The following PRMT8 variants were observed in gnomAD, a reference collection of about 807,000 sequenced individuals.
The protein encoded by PRMT8 is protein arginine methyltransferase 8.
PRMT8 carries 7 observed loss-of-function variants against 47.1 expected under a neutral mutation model. That is an observed-to-expected ratio of 0.15 (90% CI 0.08 to 0.28). The LOEUF (loss-of-function observed/expected upper bound fraction) is 0.28, where lower values mean the gene tolerates loss of function less well. PRMT8 is among the 10% of genes least tolerant of loss of function. The pLI is 1.00. For synonymous variants in PRMT8, 188 were observed against 186.5 expected (o/e 1.01, Z -0.07); for missense variants, 237 against 505.4 (o/e 0.47, Z 5.09).
intron 1 of PRMT8, among the ~76,000 whole-genome samples, chr12:3,400,233 G>GA (rs1174251166): frequency 6.6e-6 from 1 of 151,650 alleles, no homozygotes; most frequent in African/African-American, 2.4e-5. Context: ...CTCTTGTTTT[G>GA]AAAAAAATTA....
Position 3,593,154 on chromosome 12 carries a change from C to G in PRMT8, c.1157C>G (p.Ser386Cys). 6.2e-7 allele frequency: 1 copy of G among 1,614,114 alleles called. No homozygotes were observed. Among genetic ancestry groups the G allele is most frequent in the Non-Finnish European group, 8.5e-7 (1 of 1,179,996 alleles). Residue 386 changes from serine (S) to cysteine (C), a missense_variant, in exon 10 of 10, where the codon TCT becomes TGT. Transcript: ENST00000382622. The surrounding 1 kb of genome is among the most constrained non-coding windows in gnomAD (Gnocchi z 4.8). The stretch of plus-strand genomic sequence containing the variant: ...TTTAAGGGACAGCTGTGTGAAACAT[C>G]TGTATCTAATGACTACAAAATGCGT... Reference protein sequence around the residue: ...LDFKGQLCETSVSNDYKMR With the variant: ...LDFKGQLCETCVSNDYKMR
intron 4 of PRMT8, among the ~76,000 whole-genome samples, chr12:3,560,094 T>G (rs1448422985): frequency 6.6e-6 from 1 of 152,164 alleles, no homozygotes; most frequent in African/African-American, 2.4e-5. Context: ...CTCCCAGGGT[T>G]TGCAACAGGT....
intron 1 of PRMT8, among the ~76,000 whole-genome samples, chr12:3,482,627 C>T (rs1591563846): frequency 6.6e-6 from 1 of 152,324 alleles, no homozygotes; most frequent in East Asian, 1.9e-4. Context: ...AGTGGAGTTG[C>T]CCTGTCAAGA....
intron 1 of PRMT8, among the ~76,000 whole-genome samples, chr12:3,517,201 C>T (rs571215570): frequency 5.9e-5 from 9 of 152,288 alleles, no homozygotes; most frequent in East Asian, 1.9e-4. Context: ...ATCAGACACC[C>T]GATCTTGTAA....
intron 1 of PRMT8, among the ~76,000 whole-genome samples, chr12:3,534,918 T>C (rs544295199): frequency 6.6e-6 from 1 of 152,372 alleles, no homozygotes; most frequent in Admixed American, 6.5e-5. Flanking sequence ...GACTGGACTT[T>C]GTGAGCTTTA....
At chr12:3,479,207 TG>T (rs1865248793) in intron 1 of PRMT8, among the ~76,000 whole-genome samples, 1 of 152,248 alleles carries the variant, frequency 6.6e-6, no homozygotes, top group African/African-American at 2.4e-5. Flanking sequence ...GAAAACCAAG[TG>T]GGACTAATGT....
chr12:3,553,828 T>C, intron 4 of PRMT8, 114 bp downstream of exon 4: 1 of 980,000 alleles, frequency 1.0e-6, no homozygotes, highest in South Asian at 1.4e-5. Context: ...GGGGAGGTGG[T>C]GCACCCAGCT....
intron 1 of PRMT8, among the ~76,000 whole-genome samples, chr12:3,505,056 C>A (rs530039547): frequency 7.2e-6 from 1 of 139,030 alleles, no homozygotes; most frequent in Non-Finnish European, 1.6e-5. Context: ...CGCCCTGCTT[C>A]GGCTCGCGCA....
intron 8 of PRMT8, among the ~76,000 whole-genome samples, chr12:3,589,618 T>A (rs542082729): frequency 6.6e-6 from 1 of 152,216 alleles, no homozygotes; most frequent in African/African-American, 2.4e-5. Context: ...GGCACTTTGA[T>A]GGAGAATCAG....
At chr12:3,397,953 G>A (rs1393805071) in intron 1 of PRMT8, among the ~76,000 whole-genome samples, 3 of 152,186 alleles carry the variant, frequency 2.0e-5, no homozygotes, top group African/African-American at 7.2e-5. Flanking sequence ...CGCAGTATTC[G>A]GGTGGGAGTG....
intron 1 of PRMT8, among the ~76,000 whole-genome samples, chr12:3,443,751 C>G (rs1012141986): frequency 6.6e-6 from 1 of 152,236 alleles, no homozygotes; most frequent in Admixed American, 6.5e-5. Context: ...TGAGACCCCT[C>G]TCCCTAGAGG....
At chr12:3,588,936 T>A (rs1867239006) in intron 8 of PRMT8, among the ~76,000 whole-genome samples, 1 of 152,188 alleles carries the variant, frequency 6.6e-6, no homozygotes, top group South Asian at 2.1e-4. Flanking sequence ...CTCTAGATGT[T>A]GTCCACAACC....
chr12:3,467,667 T>C (rs1333513118), intron 1 of PRMT8, among the ~76,000 whole-genome samples: 2 of 152,188 alleles, frequency 1.3e-5, no homozygotes, highest in Non-Finnish European at 2.9e-5. Context: ...ACTTTCCACT[T>C]AGAGACAACA....
In PRMT8 at chr12:3,397,325, T is replaced by C. The variant is rs555550690; in HGVS notation, c.48+15883T>C. Among the ~76,000 whole-genome samples the C allele has an allele frequency of 3.6e-3, 545 of 151,896 alleles. 7 individuals carry two copies. Among genetic ancestry groups the C allele is most frequent in the African/African-American group, 0.013 (522 of 41,544 alleles). Reference sequence around the variant, plus strand: ...TTTCCAGTTTTTCTGCTCTGTTTTTTCCCCATCTTTGTGGTTTTATCTACT... The same window carrying C: ...TTTCCAGTTTTTCTGCTCTGTTTTTCCCCCATCTTTGTGGTTTTATCTACT... On this transcript the variant is annotated intron_variant, in intron 1 of 9. Coordinates refer to the PRMT8 transcript ENST00000452611.
chr12:3,461,321 A>T (rs1435404193), intron 1 of PRMT8, among the ~76,000 whole-genome samples: 1 of 152,110 alleles, frequency 6.6e-6, no homozygotes, highest in Admixed American at 6.5e-5. Flanking sequence ...GGAGGAATGG[A>T]GAAGAGATGG....
chr12:3,564,482 C>T lies in PRMT8; in HGVS notation c.482-4224C>T, dbSNP rs1302296478. Among the ~76,000 whole-genome samples the T allele has an allele frequency of 6.6e-6, 1 of 152,192 alleles. No individual in the cohort carries two copies. Among genetic ancestry groups the T allele is most frequent in the Non-Finnish European group, 1.5e-5 (1 of 68,032 alleles). Reference sequence around the variant, plus strand: ...CAAAAAGAAAAAATTCCACTCAAAACCATTTTTAAAAATCTGGATGTCTCA... The same window carrying T: ...CAAAAAGAAAAAATTCCACTCAAAATCATTTTTAAAAATCTGGATGTCTCA... On this transcript the variant is annotated intron_variant, in intron 4 of 9. Transcript: ENST00000382622. This position sits in a 1 kb window ranked among gnomAD's most constrained non-coding sequence, Gnocchi z 4.0.
chr12:3,580,337 C>T lies in PRMT8; in HGVS notation c.829-2721C>T, dbSNP rs947323888. Among the ~76,000 whole-genome samples, 10 of 145,640 alleles carry T rather than the reference C, an allele frequency of 6.9e-5. No homozygotes were observed. Among genetic ancestry groups the T allele is most frequent in the East Asian group, 2.0e-4 (1 of 4,912 alleles). ...TCCTGCCAGATGGGGGGTGCGTGTG[C>T]GTGTGTGTGTGTGTGTGTGTGTGTG... On this transcript the variant is annotated intron_variant, in intron 7 of 9. Coordinates refer to ENST00000382622, the MANE Select transcript of PRMT8 (RefSeq NM_019854.5). The surrounding 1 kb of genome is among the most constrained non-coding windows in gnomAD (Gnocchi z 4.6).
At position 3,492,632 on chromosome 12, in the gene PRMT8, C is replaced by T. The variant is rs1865440577; in HGVS notation, c.75+932C>T. Among the ~76,000 whole-genome samples, 2 of 152,226 alleles carry T rather than the reference C, an allele frequency of 1.3e-5. No individual in the cohort carries two copies. The highest frequency in any genetic ancestry group is 4.8e-5 in the African/African-American group (2 of 41,456). On this transcript the variant is annotated intron_variant, in intron 1 of 9. Coordinates refer to ENST00000382622, the MANE Select transcript of PRMT8 (RefSeq NM_019854.5). This position sits in a 1 kb window ranked among gnomAD's most constrained non-coding sequence, Gnocchi z 7.5. ...CCCGAGACTCGAGGCTGTGATCCCT[C>T]GCCTCCCTCTGACCCCGCTGTCATT...
At position 3,583,256 on chromosome 12, in the gene PRMT8, C is replaced by G; in HGVS notation, c.979+48C>G. On this transcript the variant is annotated intron_variant, in intron 8 of 9. Transcript: ENST00000382622. The surrounding 1 kb of genome is among the most constrained non-coding windows in gnomAD (Gnocchi z 4.7). ...GAGCCTCCTCCCTCTCCCATGCTTCCTCAAGTCTTTGTGGGGTGACCAGAG... is the reference window on the plus strand; with the variant it reads ...GAGCCTCCTCCCTCTCCCATGCTTCGTCAAGTCTTTGTGGGGTGACCAGAG... 6.4e-7 allele frequency: 1 copy of G among 1,560,624 alleles called. No individual in the cohort carries two copies. The highest frequency in any genetic ancestry group is 1.9e-5 in the Admixed American group (1 of 52,830).
Sources: gnomAD v4.1 joint callset for allele counts (sites outside exome capture counted in the v4.1 genomes callset) on GRCh38, gnomAD v4.1.1 for gene constraint, Gnocchi (gnomAD v3.1) non-coding constraint, MANE v1.5 for transcripts, NCBI Gene and HGNC (gene_info 2026-07-23, HGNC 2026-07-21) for gene names.